TMEM170A: variants seen among roughly 807,000 people sequenced by gnomAD.
TMEM170A encodes transmembrane protein 170.
In TMEM170A, 18 loss-of-function variants were observed where a neutral mutation model predicts 12.8. That is an observed-to-expected ratio of 1.41 (90% CI 0.97 to 2.09). The LOEUF (loss-of-function observed/expected upper bound fraction) is 2.09. TMEM170A is among the 30% of genes most tolerant of loss of function. The pLI, the probability that TMEM170A is intolerant of heterozygous loss-of-function variation, is 0.00. For synonymous variants in TMEM170A, 107 were observed against 76.2 expected, an observed-to-expected ratio of 1.40 and a Z score of -2.11; for missense variants, 220 against 179.9, an observed-to-expected ratio of 1.22 and a Z score of -1.28.
intron 1 of TMEM170A, among the ~76,000 whole-genome samples, chr16:75,456,122 T>C (rs2079790515): frequency 6.6e-6 from 1 of 152,176 alleles, no homozygotes; most frequent in Non-Finnish European, 1.5e-5. Context: ...TAACCCACCC[T>C]TGACATTGTC....
chr16:75,464,660 G>A lies in TMEM170A; in HGVS notation c.-60C>T, dbSNP rs147385089. 1.9e-3 allele frequency: 2,935 copies of A among 1,533,672 alleles called. 34 individuals carry two copies. The South Asian group carries it at 0.02, about 10-fold the overall frequency. On this transcript the variant is annotated 5_prime_UTR_variant, in exon 1 of 3. Coordinates refer to ENST00000561878, the MANE Select transcript of TMEM170A (RefSeq NM_145254.3). ...AGCGCCCGAAGTGCGGTAGCGGCCG[G>A]CGCCGACTCACCCTCGCCGCCTCAG...
chr16:75,453,208 C>G (rs1263081219), intron 1 of TMEM170A, among the ~76,000 whole-genome samples: 1 of 152,140 alleles, frequency 6.6e-6, no homozygotes, highest in East Asian at 1.9e-4. Context: ...CCAAGGTGGG[C>G]AGGTCGCTTG....
At chr16:75,449,331 A>ATTTT (rs10680885) in intron 2 of TMEM170A, among the ~76,000 whole-genome samples, 6 of 147,860 alleles carry the variant, frequency 4.1e-5, no homozygotes, top group Admixed American at 1.4e-4. Context: ...CACGTTTACA[A>ATTTT]TTTTTTTTTT....
At chr16:75,450,197 A>AAC (rs1373180001) in intron 2 of TMEM170A, among the ~76,000 whole-genome samples, 1 of 148,134 alleles carries the variant, frequency 6.8e-6, no homozygotes, top group Non-Finnish European at 1.5e-5. Context: ...AAAAAAAAAA[A>AAC]ACACCTCAAG....
intron 1 of TMEM170A, among the ~76,000 whole-genome samples, chr16:75,464,038 G>A (rs974775970): frequency 3.9e-5 from 6 of 152,210 alleles, no homozygotes; most frequent in African/African-American, 1.4e-4. Flanking sequence ...GGGAGCGCGA[G>A]CTCTGACTCC....
intron 1 of TMEM170A, among the ~76,000 whole-genome samples, chr16:75,463,779 T>C (rs920703437): frequency 4.6e-5 from 7 of 152,206 alleles, no homozygotes; most frequent in African/African-American, 1.7e-4. Context: ...GCGCTCTTCC[T>C]GGCATTAGAA....
Position 75,464,622 on chromosome 16 carries a change from G to C in TMEM170A, c.-22C>G, listed in dbSNP as rs762399644. On this transcript the variant is annotated 5_prime_UTR_variant, in exon 1 of 3. Transcript: ENST00000561878. ...CCATCCCGTCGCCATTCACCACAGA[G>C]AAATGAGGGACGAGCGCCCGAAGTG... The C allele has an allele frequency of 3.2e-6, 5 of 1,567,670 alleles. No homozygotes were observed. In the African/African-American group the frequency reaches 4.2e-5, roughly 13 times the overall value.
chr16:75,459,920 A>AATG (rs2079873572), intron 1 of TMEM170A: 1 of 151,480 alleles, frequency 6.6e-6, no homozygotes, highest in African/African-American at 2.4e-5. Context: ...TCTTGATACT[A>AATG]ATCACCCATC....
chr16:75,457,708 C>G (rs1324413861), intron 1 of TMEM170A, among the ~76,000 whole-genome samples: 1 of 152,172 alleles, frequency 6.6e-6, no homozygotes, highest in East Asian at 1.9e-4. Flanking sequence ...ACCCACATCT[C>G]AATTTTCCAA....
intron 1 of TMEM170A, among the ~76,000 whole-genome samples, chr16:75,459,531 G>A (rs2079863200): frequency 6.6e-6 from 1 of 152,170 alleles, no homozygotes; most frequent in South Asian, 2.1e-4. Context: ...GTTCTAAGCA[G>A]ACCACATGAG....
intron 2 of TMEM170A, among the ~76,000 whole-genome samples, chr16:75,448,672 G>T (rs566127740): frequency 6.6e-6 from 1 of 152,160 alleles, no homozygotes; most frequent in South Asian, 2.1e-4. Context: ...GCTGAGGCAG[G>T]AGAGCTGCTT....
intron 2 of TMEM170A, among the ~76,000 whole-genome samples, chr16:75,449,765 G>C (rs1321983626): frequency 1.3e-5 from 2 of 152,194 alleles, no homozygotes; most frequent in African/African-American, 4.8e-5. Context: ...ACTAACATCT[G>C]AAAGACATGT....
intron 1 of TMEM170A, among the ~76,000 whole-genome samples, chr16:75,453,877 C>T (rs1451508813): frequency 2.6e-5 from 4 of 152,158 alleles, no homozygotes; most frequent in Non-Finnish European, 5.9e-5. Flanking sequence ...AAAACAAAAC[C>T]ATCCTGCTGG....
chr16:75,445,719 T>A lies in TMEM170A; in HGVS notation c.*1839A>T, dbSNP rs866418320. The A allele has an allele frequency of 3.3e-5, 5 of 151,814 alleles. No homozygotes were observed. In the South Asian group the frequency reaches 1.0e-3, roughly 32 times the overall value. The allele number at this position is 151,814 out of a possible 1,614,324, so 9.4% of individuals were successfully genotyped here. On this transcript the variant is annotated 3_prime_UTR_variant, in exon 3 of 3. Transcript: ENST00000561878. ...TTTTTCTTTTTTTTTTTTTTCCAAA[T>A]TGGGCAGACTCCAGAATCACAGTAG...
rs145416947 is a variant in TMEM170A, at chr16:75,452,293, G to A, written c.134-454C>T. On this transcript the variant is annotated intron_variant, in intron 1 of 2. Coordinates refer to ENST00000561878, the MANE Select transcript of TMEM170A (RefSeq NM_145254.3). The stretch of plus-strand genomic sequence containing the variant: ...TCAAAAATTTTTATTTTTAAAGACG[G>A]GGTCTCACTCCGTCACCCAGGCTGC... 4.3e-3 allele frequency among the ~76,000 whole-genome samples: 647 copies of A among 151,876 alleles called. 3 individuals are homozygous for A. Among genetic ancestry groups the A allele is most frequent in the African/African-American group, 0.015 (624 of 41,430 alleles).
At position 75,447,390 on chromosome 16, in the gene TMEM170A, T is replaced by C. The variant is rs2079606123; in HGVS notation, c.*168A>G. On this transcript the variant is annotated 3_prime_UTR_variant, in exon 3 of 3. Transcript: ENST00000561878. ...AATAGGAGTCCACATAAGTCTTCAA[T>C]TCTAGGAGCTTCAAAATGAAGAAAA... The C allele has an allele frequency of 2.9e-6, 2 of 679,656 alleles. No individual in the cohort carries two copies. Among genetic ancestry groups the C allele is most frequent in the Non-Finnish European group, 4.3e-6 (2 of 461,710 alleles). 42.1% of individuals were successfully genotyped at this position (679,656 alleles called of 1,614,324 possible). A position where few individuals can be genotyped will look rare whatever the true frequency, so the allele number is the denominator to read the frequency against.
intron 1 of TMEM170A, among the ~76,000 whole-genome samples, chr16:75,463,774 C>G (rs1258521987): frequency 2.0e-5 from 3 of 152,238 alleles, no homozygotes; most frequent in Non-Finnish European, 4.4e-5. Flanking sequence ...ACGGAGCGCT[C>G]TTCCTGGCAT....
Position 75,443,455 on chromosome 16 carries a change from G to A in TMEM170A, c.*4103C>T, listed in dbSNP as rs1449694037. 1 of 152,156 alleles carries A rather than the reference G, an allele frequency of 6.6e-6. No individual in the cohort carries two copies. The highest frequency in any genetic ancestry group is 2.4e-5 in the African/African-American group (1 of 41,438). 9.4% of individuals were successfully genotyped at this position (152,156 alleles called of 1,614,324 possible). On this transcript the variant is annotated 3_prime_UTR_variant, in exon 3 of 3. Transcript: ENST00000561878. ...AGAAATGCAAGTACACGACATTTCT[G>A]CATATGGTCTGCTAATGGCACCGAT...
In TMEM170A at chr16:75,451,795, A is replaced by G. The variant is rs2079689984; in HGVS notation, c.178T>C (p.Phe60Leu). The G allele has an allele frequency of 1.2e-6, 2 of 1,614,104 alleles. No individual in the cohort carries two copies. The highest frequency in any genetic ancestry group is 1.1e-5 in the South Asian group (1 of 91,070). The change falls in exon 2 of 3, where the codon TTC (phenylalanine) becomes CTC (leucine). Residue 60 changes from phenylalanine (F) to leucine (L), a missense_variant. Physicochemically the swap from Phe to Leu is conservative, Grantham distance 22. Coordinates refer to ENST00000561878, the MANE Select transcript of TMEM170A (RefSeq NM_145254.3). Reference protein sequence around the residue: ...VFLWALVSSLFFHVPAGLLAL... With the variant: ...VFLWALVSSLLFHVPAGLLAL... Reference sequence around the variant, plus strand: ...AGTAATCCAGCAGGGACATGAAAGAAGAGAGAAGACACCAGTGCCCACAGG... The same window carrying G: ...AGTAATCCAGCAGGGACATGAAAGAGGAGAGAAGACACCAGTGCCCACAGG...
Sources: allele counts gnomAD v4.1 joint callset (sites outside exome capture counted in the v4.1 genomes callset), GRCh38; gene constraint gnomAD v4.1.1; transcripts MANE v1.5; gene names NCBI Gene and HGNC (gene_info 2026-07-23, HGNC 2026-07-21).